Variants in IQSEC3 observed in about 807,000 individuals in gnomAD.
The protein encoded by IQSEC3 is IQ motif and SEC7 domain-containing protein 3.
IQSEC3 carries 50 observed loss-of-function variants against 105.4 expected under a neutral mutation model. The observed-to-expected ratio is 0.47, with a 90% CI of 0.38 to 0.60. The LOEUF (loss-of-function observed/expected upper bound fraction) is 0.60, where lower values mean the gene tolerates loss of function less well. IQSEC3 is among the 20% of genes least tolerant of loss of function. The pLI, the probability that IQSEC3 is intolerant of heterozygous loss-of-function variation, is 0.00. For synonymous variants in IQSEC3, 708 were observed against 746.0 expected, an observed-to-expected ratio of 0.95 and a Z score of 0.83; for missense variants, 1,415 against 1,630.0, an observed-to-expected ratio of 0.87 and a Z score of 2.27.
At chr12:71,724 G>C (rs536968855) in intron 1 of IQSEC3, among the ~76,000 whole-genome samples, 1 of 152,410 alleles carries the variant, frequency 6.6e-6, no homozygotes, top group Non-Finnish European at 1.5e-5. Context: ...GGTGAGGACA[G>C]TCTCAACACA....
At chr12:85,166 A>G (rs76645473) in intron 1 of IQSEC3, among the ~76,000 whole-genome samples, 4,789 of 152,324 alleles carry the variant, frequency 0.031, 268 homozygotes, top group African/African-American at 0.11. Flanking sequence ...TGCCTTCGCC[A>G]TTCCTGGAGA....
intron 1 of IQSEC3, among the ~76,000 whole-genome samples, chr12:86,206 G>A (rs529403892): frequency 7.2e-5 from 11 of 152,336 alleles, no homozygotes; most frequent in Non-Finnish European, 1.2e-4. Context: ...TGGGGCAGAG[G>A]CCAGCAGGGT....
At position 125,736 on chromosome 12, in the gene IQSEC3, GC is replaced by G; in HGVS notation, c.730del (p.Gln244ArgfsTer54). ...CAGTGCCCATGCCCCGAAGGCTCAA[GC>G]CCAGGAGCTGCAGGAGGAGGAGGAG... ...RPSAHAPKAQ[A>X]QELQEEEERP... On this transcript the variant is annotated frameshift_variant, in exon 3 of 14. Coordinates refer to ENST00000538872, the MANE Select transcript of IQSEC3 (RefSeq NM_001170738.2). LOFTEE classifies it high-confidence loss of function. 1 of 1,525,782 alleles carries G rather than the reference GC, an allele frequency of 6.6e-7. No homozygotes were observed. The allele number at this position is 1,525,782 out of a possible 1,614,324, so 94.5% of individuals were successfully genotyped here.
chr12:88,703 G>A (rs1336179112), intron 1 of IQSEC3, among the ~76,000 whole-genome samples: 4 of 152,108 alleles, frequency 2.6e-5, no homozygotes, highest in East Asian at 1.9e-4. Flanking sequence ...TCTTCCCAAA[G>A]CTCTCTGTGG....
chr12:100,128 G>A (rs1196361683), intron 2 of IQSEC3, among the ~76,000 whole-genome samples: 3 of 152,118 alleles, frequency 2.0e-5, no homozygotes, highest in Non-Finnish European at 4.4e-5. Flanking sequence ...CCACTGCCCT[G>A]GGCCTCAGTT....
chr12:69,255 G>A (rs1863214494), intron 1 of IQSEC3, among the ~76,000 whole-genome samples: 1 of 152,268 alleles, frequency 6.6e-6, no homozygotes. Context: ...GAAGAGTTGA[G>A]GAAAGATTAT....
chr12:71,675 A>G (rs1555067583), intron 1 of IQSEC3, among the ~76,000 whole-genome samples: 1 of 152,286 alleles, frequency 6.6e-6, no homozygotes, highest in African/African-American at 2.4e-5. Context: ...CCCTCTGCTC[A>G]TCCTAAGTCC....
rs968478159 is a variant in IQSEC3 at position 156,958 on chromosome 12, G to A, written c.2154-67G>A. On this transcript the variant is annotated intron_variant, in intron 5 of 13. Coordinates refer to ENST00000538872, the MANE Select transcript of IQSEC3 (RefSeq NM_001170738.2). ...CTGTCCTGGCTGGGAACAGAGGCCA[G>A]CGAGAATGGGTGTTGGAGGGTGCTT... 6.3e-5 allele frequency: 91 copies of A among 1,441,550 alleles called. No individual in the cohort carries two copies. The African/African-American group carries it at 1.2e-3, about 19-fold the overall frequency. The allele number at this position is 1,441,550 out of a possible 1,614,324, so 89.3% of individuals were successfully genotyped here. A position where few individuals can be genotyped will look rare whatever the true frequency, so the allele number is the denominator to read the frequency against.
chr12:171,060 G>A (rs1938962774), intron 12 of IQSEC3, 52 bp from the exon 13 acceptor site: 1 of 1,609,206 alleles, frequency 6.2e-7, no homozygotes, highest in Non-Finnish European at 8.5e-7. Flanking sequence ...GGGAGGGGCA[G>A]GGGCTTGGCT....
rs1393679971 is a variant in IQSEC3 at position 175,522 on chromosome 12, C to T, written c.*489C>T. On this transcript the variant is annotated 3_prime_UTR_variant, in exon 14 of 14. Transcript: ENST00000538872. ...GAGGGGAGGAGGGTTGGTCCCACCCCTGGAGGGACAGGTGGGAGGAGTGAG... is the reference window on the plus strand; with the variant it reads ...GAGGGGAGGAGGGTTGGTCCCACCCTTGGAGGGACAGGTGGGAGGAGTGAG... 1 of 153,696 alleles carries T rather than the reference C, an allele frequency of 6.5e-6. No homozygotes were observed. The highest frequency in any genetic ancestry group is 1.4e-5 in the Non-Finnish European group (1 of 69,160). The allele number at this position is 153,696 out of a possible 1,614,324, so 9.5% of individuals were successfully genotyped here. A position where few individuals can be genotyped will look rare whatever the true frequency, so the allele number is the denominator to read the frequency against.
intron 7 of IQSEC3, among the ~76,000 whole-genome samples, chr12:161,604 G>A (rs1157594655): frequency 2.0e-5 from 3 of 152,182 alleles, no homozygotes; most frequent in Admixed American, 6.5e-5. Context: ...CTGCAGAGGC[G>A]CACAGGGTTA....
intron 12 of IQSEC3, 146 bp downstream of exon 12, chr12:169,251 A>G: frequency 1.5e-6 from 1 of 649,718 alleles, no homozygotes; most frequent in South Asian, 1.9e-5. Flanking sequence ...TGCCTTCTTT[A>G]ATCTCATGAG....
At chr12:85,719 C>T (rs1863896381) in intron 1 of IQSEC3, among the ~76,000 whole-genome samples, 1 of 152,136 alleles carries the variant, frequency 6.6e-6, no homozygotes, top group Non-Finnish European at 1.5e-5. Flanking sequence ...CCCAAGACTG[C>T]CAGGTAGATG....
intron 2 of IQSEC3, among the ~76,000 whole-genome samples, chr12:102,702 T>C (rs1326305535): frequency 6.7e-6 from 1 of 149,554 alleles, no homozygotes; most frequent in Non-Finnish European, 1.5e-5. Context: ...AGGGGAACTC[T>C]GTCTTGGGGC....
rs782187075 is a variant in IQSEC3 at position 163,476 on chromosome 12, C to T, written c.2584-18C>T. 3.3e-5 allele frequency: 53 copies of T among 1,591,132 alleles called. No individual in the cohort carries two copies. Among genetic ancestry groups the T allele is most frequent in the Middle Eastern group, 1.7e-4 (1 of 5,998 alleles). ...CAGGCCTCTGGTCTCTCCCGCTGAG[C>T]GCCCTGCCCGCGTGCAGGTGCTGTC... is the stretch of plus-strand genomic sequence containing the variant. On this transcript the variant is annotated intron_variant, in intron 8 of 13. Coordinates refer to ENST00000538872, the MANE Select transcript of IQSEC3 (RefSeq NM_001170738.2).
chr12:172,259 G>T (rs1347382519), intron 13 of IQSEC3, among the ~76,000 whole-genome samples: 4 of 151,022 alleles, frequency 2.6e-5, no homozygotes, highest in African/African-American at 7.3e-5. Flanking sequence ...TCTGGAGGAG[G>T]CACCTTTACA....
chr12:175,008 C>G lies in IQSEC3; in HGVS notation c.3524C>G (p.Ser1175Cys). 4 of 1,566,312 alleles carry G rather than the reference C, an allele frequency of 2.6e-6. No individual in the cohort carries two copies. Among genetic ancestry groups the G allele is most frequent in the Non-Finnish European group, 3.4e-6 (4 of 1,164,142 alleles). The change falls in exon 14 of 14, where the codon TCC (serine) becomes TGC (cysteine). Residue 1175 changes from serine to cysteine, a missense_variant. Physicochemically the swap from Ser to Cys is moderately radical, Grantham distance 112. Coordinates refer to ENST00000538872, the MANE Select transcript of IQSEC3 (RefSeq NM_001170738.2). ...PGSLLHGHRY[S>C]SGSRSLV ...TCCCTGCTGCACGGGCACCGCTACT[C>G]CAGTGGCTCAAGGAGCCTGGTGTAG...
chr12:128,480 C>T (rs1865486141), intron 3 of IQSEC3, among the ~76,000 whole-genome samples: 1 of 152,168 alleles, frequency 6.6e-6, no homozygotes. Context: ...AGTGATTCCG[C>T]CAGCCACACT....
chr12:106,927 C>A (rs765264698), intron 2 of IQSEC3: 1 of 152,016 alleles, frequency 6.6e-6, no homozygotes, highest in Non-Finnish European at 1.5e-5. Context: ...AAACCAAAAA[C>A]GAAGAAATAA....
Sources: allele counts gnomAD v4.1 joint callset (sites outside exome capture counted in the v4.1 genomes callset), GRCh38; gene constraint gnomAD v4.1.1; transcripts MANE v1.5; gene names NCBI Gene and HGNC (gene_info 2026-07-23, HGNC 2026-07-21).